The following GALNT13 variants were observed in gnomAD, a reference collection of about 807,000 sequenced individuals.
GALNT13 encodes the protein polypeptide N-acetylgalactosaminyltransferase 13.
GALNT13 carries 28 observed loss-of-function variants against 64.2 expected under a neutral mutation model. That is an observed-to-expected ratio of 0.44 (90% CI 0.32 to 0.60). The LOEUF is 0.60. Ranked by LOEUF, GALNT13 falls within the 20% of genes least tolerant of loss-of-function variation. The pLI is 0.05. For synonymous variants in GALNT13, 214 were observed against 224.6 expected (o/e 0.95, Z 0.42); for missense variants, 577 against 669.8 (o/e 0.86, Z 1.53).
the GALNT13 span, among the ~76,000 whole-genome samples, chr2:153,423,985 T>A: frequency 1.3e-5 from 2 of 151,304 alleles, no homozygotes; most frequent in Non-Finnish European, 3.0e-5. Context: ...AATGGTCTAG[T>A]CATTCAAAAT....
the GALNT13 span, among the ~76,000 whole-genome samples, chr2:153,577,054 G>A: frequency 4.1e-4 from 63 of 152,110 alleles, no homozygotes; most frequent in Non-Finnish European, 6.8e-4. Flanking sequence ...TGTATGGCAT[G>A]TGAAGTAAGA....
the GALNT13 span, among the ~76,000 whole-genome samples, chr2:153,792,098 T>C: frequency 9.2e-5 from 14 of 152,326 alleles, no homozygotes; most frequent in African/African-American, 3.4e-4. Context: ...ATAAATATTG[T>C]TTGTAATCCT....
At chr2:153,604,015 C>T in the GALNT13 span, among the ~76,000 whole-genome samples, 1 of 152,040 alleles carries the variant, frequency 6.6e-6, no homozygotes, top group Admixed American at 6.6e-5. Context: ...TTTCATTAGT[C>T]AAATGGTTGA....
chr2:153,962,125 C>A (rs1265486338), intron 3 of GALNT13, among the ~76,000 whole-genome samples: 1 of 152,130 alleles, frequency 6.6e-6, no homozygotes, highest in Non-Finnish European at 1.5e-5. Flanking sequence ...TTTCTTGTGT[C>A]TCTTCTTGGC....
intron 4 of GALNT13, among the ~76,000 whole-genome samples, chr2:154,182,347 T>C (rs1300761080): frequency 6.6e-6 from 1 of 152,140 alleles, no homozygotes; most frequent in South Asian, 2.1e-4. Context: ...TGTGTGCGCA[T>C]TTGGTAAAAG....
At chr2:153,368,214 G>C in the GALNT13 span, among the ~76,000 whole-genome samples, 1 of 152,120 alleles carries the variant, frequency 6.6e-6, no homozygotes, top group Middle Eastern at 3.2e-3. Context: ...GGTGGTATTA[G>C]GAGGTGGGGC....
At chr2:153,410,506 A>G in the GALNT13 span, among the ~76,000 whole-genome samples, 1 of 152,198 alleles carries the variant, frequency 6.6e-6, no homozygotes, top group African/African-American at 2.4e-5. Context: ...TCCAAGCCCA[A>G]ATCACTCATT....
At chr2:153,905,244 A>G (rs995969275) in intron 2 of GALNT13, among the ~76,000 whole-genome samples, 2 of 151,924 alleles carry the variant, frequency 1.3e-5, no homozygotes, top group Non-Finnish European at 2.9e-5. Flanking sequence ...GTGTAATTAC[A>G]ATATTAACTG....
At chr2:154,145,304 A>G (rs575980947) in intron 4 of GALNT13, among the ~76,000 whole-genome samples, 1 of 151,816 alleles carries the variant, frequency 6.6e-6, no homozygotes, top group South Asian at 2.1e-4. Flanking sequence ...CTATTAACTA[A>G]TGGCTCAGCA....
intron 3 of GALNT13, among the ~76,000 whole-genome samples, chr2:154,138,573 TAA>T (rs34134880): frequency 0.07 from 9,639 of 138,152 alleles, 415 homozygotes; most frequent in Middle Eastern, 0.15. Context: ...CAAGATATGT[TAA>T]AAAAAAAAAA....
At chr2:153,370,246 A>G in the GALNT13 span, among the ~76,000 whole-genome samples, 1 of 152,178 alleles carries the variant, frequency 6.6e-6, no homozygotes, top group Non-Finnish European at 1.5e-5. Context: ...ATATTACCAA[A>G]TATTTAAATA....
the GALNT13 span, among the ~76,000 whole-genome samples, chr2:153,205,812 A>G: frequency 1.8e-4 from 28 of 152,076 alleles, no homozygotes; most frequent in Admixed American, 4.6e-4. Flanking sequence ...CCTTGTGCAA[A>G]ACTGGCTTTG....
intron 4 of GALNT13, among the ~76,000 whole-genome samples, chr2:154,185,433 G>A (rs1456864599): frequency 6.6e-5 from 10 of 151,844 alleles, no homozygotes; most frequent in Non-Finnish European, 4.4e-5. Flanking sequence ...ATTTAAATAA[G>A]CTTTCTACAC....
At chr2:154,392,439 G>T (rs1383893007) in intron 9 of GALNT13, among the ~76,000 whole-genome samples, 1 of 152,174 alleles carries the variant, frequency 6.6e-6, no homozygotes, top group African/African-American at 2.4e-5. Context: ...CAGATGCGGT[G>T]ATCTGGTAAG....
chr2:154,373,734 C>G (rs1031147391), intron 9 of GALNT13, among the ~76,000 whole-genome samples: 1 of 152,140 alleles, frequency 6.6e-6, no homozygotes, highest in African/African-American at 2.4e-5. Context: ...AGAATAGTAA[C>G]AACAAACGTT....
At chr2:153,542,478 A>G in the GALNT13 span, among the ~76,000 whole-genome samples, 1 of 152,188 alleles carries the variant, frequency 6.6e-6, no homozygotes, top group Non-Finnish European at 1.5e-5. Flanking sequence ...AGGAATTTAT[A>G]GCAAGGGGCC....
the GALNT13 span, among the ~76,000 whole-genome samples, chr2:153,228,702 G>A: frequency 2.6e-5 from 4 of 151,692 alleles, no homozygotes; most frequent in African/African-American, 4.8e-5. Flanking sequence ...ATGAAACCCC[G>A]TCTCTACTAA....
At chr2:153,377,839 T>G in the GALNT13 span, among the ~76,000 whole-genome samples, 1 of 152,114 alleles carries the variant, frequency 6.6e-6, no homozygotes, top group Non-Finnish European at 1.5e-5. Flanking sequence ...GCAAACAGAT[T>G]AACAATAAAG....
At chr2:153,167,834 G>C in the GALNT13 span, among the ~76,000 whole-genome samples, 2 of 152,182 alleles carry the variant, frequency 1.3e-5, no homozygotes, top group African/African-American at 4.8e-5. Context: ...ATTTCAAAGA[G>C]CAAGGTTAGG....
Sources: allele counts gnomAD v4.1 joint callset (sites outside exome capture counted in the v4.1 genomes callset), GRCh38; gene constraint gnomAD v4.1.1; transcripts MANE v1.5; gene names NCBI Gene and HGNC (gene_info 2026-07-23, HGNC 2026-07-21).